Variants in PLPP4 observed in about 807,000 individuals in gnomAD.
The protein encoded by PLPP4 is phospholipid phosphatase 4.
PLPP4 carries 20 observed loss-of-function variants against 32.2 expected under a neutral mutation model. The ratio of observed to expected loss-of-function variants is 0.62; its 90% CI spans 0.44 to 0.90. The LOEUF (loss-of-function observed/expected upper bound fraction) is 0.90. PLPP4 is among the 40% of genes least tolerant of loss of function. The probability of loss-of-function intolerance (pLI) is 0.00; values close to 1 mark genes in which losing one functional copy is unlikely to be tolerated. For synonymous variants in PLPP4, 127 were observed against 133.0 expected (o/e 0.95, Z 0.31); for missense variants, 257 against 353.1 (o/e 0.73, Z 2.18).
At chr10:120,567,928 G>T (rs1313239480) in intron 5 of PLPP4, among the ~76,000 whole-genome samples, 1 of 152,184 alleles carries the variant, frequency 6.6e-6, no homozygotes, top group Admixed American at 6.5e-5. Context: ...TTCCTTTGTG[G>T]TGTGTGAGAT....
intron 5 of PLPP4, among the ~76,000 whole-genome samples, chr10:120,543,801 ACT>A (rs1309621543): frequency 4.0e-5 from 6 of 151,582 alleles, no homozygotes; most frequent in African/African-American, 1.5e-4. Context: ...GGCAACCACC[ACT>A]CTGTTTTCCG....
intron 5 of PLPP4, among the ~76,000 whole-genome samples, chr10:120,544,068 A>G (rs550010878): frequency 2.8e-4 from 42 of 152,312 alleles, no homozygotes; most frequent in Admixed American, 5.9e-4. Context: ...TAATGCTGCT[A>G]CAGACACAGG....
chr10:120,562,648 C>T (rs17633662), intron 5 of PLPP4, among the ~76,000 whole-genome samples: 30,786 of 152,054 alleles, frequency 0.2, 3,794 homozygotes, highest in Non-Finnish European at 0.27. Flanking sequence ...GATACTTTCC[C>T]TTTGATGTGT....
chr10:120,525,555 TGA>T (rs1191409654), intron 5 of PLPP4, among the ~76,000 whole-genome samples: 20 of 152,288 alleles, frequency 1.3e-4, no homozygotes, highest in African/African-American at 4.8e-4. Context: ...TCCTCCAGGA[TGA>T]AGGCAAACAC....
intron 1 of PLPP4, among the ~76,000 whole-genome samples, chr10:120,470,031 C>G (rs1848449868): frequency 6.6e-6 from 1 of 152,170 alleles, no homozygotes; most frequent in Non-Finnish European, 1.5e-5. Context: ...ATTTTAAATT[C>G]AGATGAATAC....
intron 5 of PLPP4, among the ~76,000 whole-genome samples, chr10:120,536,299 T>G (rs1847014247): frequency 6.6e-6 from 1 of 152,056 alleles, no homozygotes. Context: ...CAAATTATAT[T>G]ATAAAACTGT....
rs114992613 is a variant in PLPP4, at chr10:120,507,247, C to T, written c.165+3321C>T. 3.9e-3 allele frequency among the ~76,000 whole-genome samples: 590 copies of T among 152,110 alleles called. 7 individuals carry two copies. The highest frequency in any genetic ancestry group is 0.014 in the African/African-American group (567 of 41,482). The stretch of plus-strand genomic sequence containing the variant: ...AGACTTGGGAGGTACCCTCAGGGAC[C>T]TTCCAGGATCCCTGGTACATTAGGA... On this transcript the variant is annotated intron_variant, in intron 2 of 6. Transcript: ENST00000398250.
At chr10:120,461,485 T>C (rs58232907) in intron 1 of PLPP4, among the ~76,000 whole-genome samples, 42,734 of 152,126 alleles carry the variant, frequency 0.28, 9,592 homozygotes, top group African/African-American at 0.63. Flanking sequence ...CCCTTCTCCC[T>C]ATCCCTCCCT....
chr10:120,498,590 T>C (rs1350191441), intron 1 of PLPP4, among the ~76,000 whole-genome samples: 1 of 152,184 alleles, frequency 6.6e-6, no homozygotes, highest in Non-Finnish European at 1.5e-5. Flanking sequence ...CTAGTGGTAT[T>C]ATCCACATGA....
chr10:120,490,029 C>G (rs1844643472), intron 1 of PLPP4, among the ~76,000 whole-genome samples: 1 of 152,180 alleles, frequency 6.6e-6, no homozygotes, highest in Admixed American at 6.5e-5. Context: ...TGCTGTGACC[C>G]CTCCATTCTG....
chr10:120,466,763 C>A (rs12358087), intron 1 of PLPP4, among the ~76,000 whole-genome samples: 3 of 17,680 alleles, frequency 1.7e-4, no homozygotes, highest in South Asian at 3.9e-3. Context: ...AACGGGTACA[C>A]TCTCTCACCT....
At chr10:120,551,298 G>A (rs2133986389) in intron 5 of PLPP4, among the ~76,000 whole-genome samples, 1 of 152,188 alleles carries the variant, frequency 6.6e-6, no homozygotes, top group East Asian at 1.9e-4. Context: ...AATTGTTACT[G>A]CCACTTTGTG....
chr10:120,577,914 CAG>C (rs369276729), intron 6 of PLPP4, among the ~76,000 whole-genome samples: 5 of 152,308 alleles, frequency 3.3e-5, no homozygotes, highest in African/African-American at 7.2e-5. Flanking sequence ...TTCAATCTCT[CAG>C]GGGACATTTA....
At chr10:120,526,388 G>A (rs1846392147) in intron 5 of PLPP4, among the ~76,000 whole-genome samples, 1 of 152,054 alleles carries the variant, frequency 6.6e-6, no homozygotes, top group South Asian at 2.1e-4. Flanking sequence ...AATTGGGCAG[G>A]GCTTGTTAAT....
chr10:120,461,983 C>T (rs2182514), intron 1 of PLPP4, among the ~76,000 whole-genome samples: 40,804 of 152,098 alleles, frequency 0.27, 8,475 homozygotes, highest in African/African-American at 0.59. Flanking sequence ...CAAAAACAGA[C>T]TCATCTTTAC....
At chr10:120,523,583 C>T (rs1180644393) in intron 5 of PLPP4, among the ~76,000 whole-genome samples, 1 of 152,116 alleles carries the variant, frequency 6.6e-6, no homozygotes, top group African/African-American at 2.4e-5. Flanking sequence ...CATCTGCTCT[C>T]CATCTGTCTC....
At chr10:120,464,316 A>G (rs1039809583) in intron 1 of PLPP4, among the ~76,000 whole-genome samples, 1 of 152,258 alleles carries the variant, frequency 6.6e-6, no homozygotes, top group Non-Finnish European at 1.5e-5. Context: ...GACAGTATCC[A>G]GCTCATTGTA....
chr10:120,521,228 G>T, intron 5 of PLPP4, 133 bp downstream of exon 5: 1 of 1,108,662 alleles, frequency 9.0e-7, no homozygotes, highest in African/African-American at 1.6e-5. Flanking sequence ...ACTTTACGGC[G>T]TTTGACTTAG....
At chr10:120,568,159 T>C (rs768594942) in intron 5 of PLPP4, among the ~76,000 whole-genome samples, 1 of 152,202 alleles carries the variant, frequency 6.6e-6, no homozygotes, top group Non-Finnish European at 1.5e-5. Flanking sequence ...ATATTTAATA[T>C]CTGATTGGGC....
Sources: gnomAD v4.1 joint callset for allele counts (sites outside exome capture counted in the v4.1 genomes callset) on GRCh38, gnomAD v4.1.1 for gene constraint, MANE v1.5 for transcripts, NCBI Gene and HGNC (gene_info 2026-07-23, HGNC 2026-07-21) for gene names.